Variants in DNAH11 observed in about 807,000 individuals in gnomAD.
DNAH11 encodes the protein axonemal beta dynein heavy chain 11.
Under a neutral mutation model 526.0 loss-of-function variants are expected in DNAH11, and 442 were observed. The ratio of observed to expected loss-of-function variants is 0.84; its 90% confidence interval spans 0.78 to 0.91. The LOEUF (loss-of-function observed/expected upper bound fraction) is 0.91. Among genes scored for constraint, DNAH11 ranks in the 40% least tolerant of loss-of-function variants. The pLI is 0.00. For missense variants in DNAH11, 6,989 were observed against 5,448.7 expected, an observed-to-expected ratio of 1.28 and a Z score of -8.90; for synonymous variants, 2,461 against 1,935.9, an observed-to-expected ratio of 1.27 and a Z score of -7.12.
At chr7:21,543,898 C>T (rs938465322) in intron 1 of DNAH11, 5 of 423,828 alleles carry the variant, frequency 1.2e-5, no homozygotes, top group Admixed American at 4.3e-5. Flanking sequence ...GGGTGTTAGG[C>T]GCCAGGTGGG....
intron 79 of DNAH11, among the ~76,000 whole-genome samples, chr7:21,897,744 G>A (rs570869125): frequency 6.6e-6 from 1 of 152,228 alleles, no homozygotes; most frequent in Non-Finnish European, 1.5e-5. Flanking sequence ...AGCCTCCCTA[G>A]TAGCTGGGAT....
At chr7:21,861,730 T>C in intron 68 of DNAH11, 123 bp from the exon 69 acceptor site, 1 of 937,090 alleles carries the variant, frequency 1.1e-6, no homozygotes. Flanking sequence ...ATAATCCTCC[T>C]AAAAATTTTG....
chr7:21,767,272 A>T (rs562878694), intron 55 of DNAH11, among the ~76,000 whole-genome samples: 28 of 152,170 alleles, frequency 1.8e-4, no homozygotes, highest in Admixed American at 1.0e-3. Context: ...GGGCCAGAGC[A>T]CTTTGTTTCT....
chr7:21,753,335 C>T (rs989149483), intron 54 of DNAH11, among the ~76,000 whole-genome samples: 10 of 152,150 alleles, frequency 6.6e-5, no homozygotes, highest in South Asian at 2.1e-4. Flanking sequence ...ATGCTGCCTC[C>T]GGCTACTAAG....
rs1782646711 is a variant in DNAH11 at position 21,543,058 on chromosome 7, G to T, written c.-188G>T. 6.6e-6 allele frequency among the ~76,000 whole-genome samples: 1 copy of T among 152,208 alleles called. No homozygotes were observed. Among genetic ancestry groups the T allele is most frequent in the African/African-American group, 2.4e-5 (1 of 41,458 alleles). ...CTGCTTGTCCCAGGCCTTCGCTTCG[G>T]CCTGCGAGGCTACAGCTGTGCGCAG... On this transcript the variant is annotated 5_prime_UTR_variant, in exon 1 of 82. Transcript: ENST00000409508.
intron 37 of DNAH11, chr7:21,703,720 A>C (rs530744715): frequency 6.6e-6 from 1 of 152,196 alleles, no homozygotes; most frequent in African/African-American, 2.4e-5. Context: ...ACATATCACC[A>C]TGTGTATGTG....
intron 65 of DNAH11, among the ~76,000 whole-genome samples, chr7:21,829,520 A>T (rs6461605): frequency 6.6e-6 from 1 of 152,152 alleles, no homozygotes; most frequent in South Asian, 2.1e-4. Context: ...CTGGTCTACC[A>T]CAATAGTAAG....
chr7:21,632,647 A>G (rs1786670122), intron 25 of DNAH11, among the ~76,000 whole-genome samples: 2 of 152,186 alleles, frequency 1.3e-5, no homozygotes, highest in Admixed American at 6.5e-5. Flanking sequence ...AGTTCCCAAC[A>G]AGTTTTTCAT....
In DNAH11 at chr7:21,900,047, T is replaced by C; in HGVS notation, c.13230T>C (p.Val4410=). ...ATAAAACGCGCTTGACTGCTGATGT[T>C]ACCAAAAAAACAAAGGAAGATTATG... ...PLDKTRLTAD[V]TKKTKEDYGH... The change falls in exon 81 of 82, where the codon GTT becomes GTC. Residue 4410 remains valine, a synonymous_variant. Transcript: ENST00000409508. 6.2e-7 allele frequency: 1 copy of C among 1,613,858 alleles called. No homozygotes were observed. The highest frequency in any genetic ancestry group is 8.5e-7 in the Non-Finnish European group (1 of 1,179,848).
chr7:21,748,722 T>A lies in DNAH11; in HGVS notation c.8653T>A (p.Tyr2885Asn). ...EVFQITLTEG[Y>N]GIQELRVDLA... ...CTTTCAGATCACTCTGACCGAGGGC[T>A]ATGGAATCCAGGAACTTCGGGTGAG... The change falls in exon 52 of 82, where the codon TAT becomes AAT. Residue 2885 changes from tyrosine (Y) to asparagine (N), a missense_variant. Transcript: ENST00000409508. 6.2e-7 allele frequency: 1 copy of A among 1,613,282 alleles called. No individual in the cohort carries two copies. Among genetic ancestry groups the A allele is most frequent in the Non-Finnish European group, 8.5e-7 (1 of 1,179,526 alleles).
rs1252705580 is a variant in DNAH11 at position 21,892,434 on chromosome 7, G to C, written c.12517G>C (p.Glu4173Gln). The C allele has an allele frequency of 6.2e-7, 1 of 1,610,292 alleles. No homozygotes were observed. Among genetic ancestry groups the C allele is most frequent in the Admixed American group, 1.7e-5 (1 of 59,898 alleles). ...EFMNPSLTED[E>Q]LMLAPGFAAP... is the part of the protein sequence containing the mutation. ...TCCTTTGTGGTTCAAGACTGAAGAT[G>C]AACTGATGCTGGCACCAGGTTTTGC... The change falls in exon 77 of 82, where the codon GAA (glutamate) becomes CAA (glutamine). Residue 4173 changes from glutamate (E) to glutamine (Q), a missense_variant. By Grantham distance (29) the Glu-to-Gln change is conservative. Transcript: ENST00000409508.
intron 45 of DNAH11, among the ~76,000 whole-genome samples, chr7:21,732,380 A>G (rs554652124): frequency 7.2e-5 from 11 of 152,224 alleles, no homozygotes; most frequent in Admixed American, 2.6e-4. Flanking sequence ...TTTTAACTTA[A>G]TCACCTCTTT....
chr7:21,802,403 A>G (rs1025816550), intron 62 of DNAH11, among the ~76,000 whole-genome samples: 3 of 152,204 alleles, frequency 2.0e-5, no homozygotes, highest in African/African-American at 7.2e-5. Context: ...TTTGGAAAAC[A>G]GTTCTGCAGT....
chr7:21,797,998 A>T (rs1324737405), intron 61 of DNAH11, among the ~76,000 whole-genome samples: 1 of 152,256 alleles, frequency 6.6e-6, no homozygotes, highest in Non-Finnish European at 1.5e-5. Context: ...TATTACTAGG[A>T]GTAGTCCCAT....
At chr7:21,784,749 G>A (rs766419697) in intron 58 of DNAH11, among the ~76,000 whole-genome samples, 25 of 152,058 alleles carry the variant, frequency 1.6e-4, no homozygotes, top group Non-Finnish European at 2.4e-4. Context: ...CCTGTTCTAC[G>A]GCACCCCAAT....
At chr7:21,748,245 A>T (rs912607754) in intron 51 of DNAH11, among the ~76,000 whole-genome samples, 16 of 152,208 alleles carry the variant, frequency 1.1e-4, no homozygotes, top group African/African-American at 3.9e-4. Flanking sequence ...GCACTTTGGG[A>T]GGCCAAGGCG....
At chr7:21,706,933 G>A (rs1015596595) in intron 39 of DNAH11, among the ~76,000 whole-genome samples, 21 of 152,334 alleles carry the variant, frequency 1.4e-4, no homozygotes, top group African/African-American at 5.1e-4. Context: ...CTGAGCACCT[G>A]TTCTGTGAGT....
intron 65 of DNAH11, among the ~76,000 whole-genome samples, chr7:21,823,525 T>C (rs1349207803): frequency 6.6e-6 from 1 of 152,204 alleles, no homozygotes; most frequent in Non-Finnish European, 1.5e-5. Context: ...ATTTGCCTTA[T>C]TTAATGTCTC....
intron 66 of DNAH11, among the ~76,000 whole-genome samples, chr7:21,847,959 A>T (rs954084667): frequency 5.9e-5 from 9 of 151,956 alleles, no homozygotes; most frequent in Non-Finnish European, 1.2e-4. Context: ...AGGTCAGGGG[A>T]TCGATACCAT....
Sources: gnomAD v4.1 joint callset for allele counts (sites outside exome capture counted in the v4.1 genomes callset) on GRCh38, gnomAD v4.1.1 for gene constraint, MANE v1.5 for transcripts, NCBI Gene and HGNC (gene_info 2026-07-23, HGNC 2026-07-21) for gene names.